Variants in NAALADL2 observed in about 807,000 individuals in gnomAD.
The protein encoded by NAALADL2 is inactive N-acetylated-alpha-linked acidic dipeptidase-like protein 2.
In NAALADL2, 76 loss-of-function variants were observed where a neutral mutation model predicts 87.2. The observed-to-expected ratio is 0.87, with a 90% CI of 0.72 to 1.05. The LOEUF (loss-of-function observed/expected upper bound fraction) is 1.05, where lower values mean the gene tolerates loss of function less well. Ranked by LOEUF, NAALADL2 falls within the 50% of genes least tolerant of loss-of-function variation. The pLI, the probability that NAALADL2 is intolerant of heterozygous loss-of-function variation, is 0.00. For missense variants in NAALADL2, 1,089 were observed against 945.8 expected (o/e 1.15, Z -1.99); for synonymous variants, 354 against 331.0 (o/e 1.07, Z -0.75).
intron 5 of NAALADL2, among the ~76,000 whole-genome samples, chr3:175,374,199 G>C (rs1486452155): frequency 6.6e-6 from 1 of 151,498 alleles, no homozygotes; most frequent in East Asian, 1.9e-4. Context: ...TAATATTGTG[G>C]CTTACAAATC....
chr3:175,179,301 T>C (rs1369765916), intron 2 of NAALADL2, among the ~76,000 whole-genome samples: 2 of 151,972 alleles, frequency 1.3e-5, no homozygotes, highest in Non-Finnish European at 2.9e-5. Flanking sequence ...ACTAAATAAA[T>C]ATTAGGTGAA....
rs189296416 is a variant in NAALADL2 at position 175,184,414 on chromosome 3, G to A, written c.546-49517G>A. 2.1e-3 allele frequency among the ~76,000 whole-genome samples: 314 copies of A among 151,998 alleles called. 2 individuals are homozygous for A. The highest frequency in any genetic ancestry group is 7.2e-3 in the African/African-American group (299 of 41,490). On this transcript the variant is annotated intron_variant, in intron 2 of 13. Coordinates refer to ENST00000454872, the MANE Select transcript of NAALADL2 (RefSeq NM_207015.3). ...TTTACCTAATTGTTTACCCTCTACT[G>A]CAGCTTTTAGCAGTGTTGTGACTAT...
At chr3:174,522,460 A>C (rs1720362102) in intron 1 of NAALADL2, among the ~76,000 whole-genome samples, 1 of 152,090 alleles carries the variant, frequency 6.6e-6, no homozygotes, top group African/African-American at 2.4e-5. Context: ...CAGTAGTTTG[A>C]GACCAGCTTG....
chr3:175,084,094 T>C (rs1378364738), intron 1 of NAALADL2, among the ~76,000 whole-genome samples: 1 of 152,190 alleles, frequency 6.6e-6, no homozygotes, highest in Non-Finnish European at 1.5e-5. Context: ...AATTTTATGT[T>C]GGTGCAGAAT....
chr3:174,818,198 T>C (rs995034591), intron 3 of NAALADL2, among the ~76,000 whole-genome samples: 3 of 152,264 alleles, frequency 2.0e-5, no homozygotes, highest in African/African-American at 7.2e-5. Context: ...CTTTGATTGA[T>C]TTTCATCTTT....
chr3:174,511,698 A>G (rs376780071), intron 1 of NAALADL2, among the ~76,000 whole-genome samples: 19 of 145,492 alleles, frequency 1.3e-4, no homozygotes, highest in African/African-American at 3.8e-4. Flanking sequence ...TTTGTTTTCT[A>G]TTTCTCTTAT....
chr3:175,493,146 A>G lies in NAALADL2; in HGVS notation c.1653+21388A>G, dbSNP rs933381805. ...ATAACTAAATGCTGAATGCACTTAA[A>G]TGATAACAGTGGGGTCATGGAGTTT... On this transcript the variant is annotated intron_variant, in intron 9 of 13. Transcript: ENST00000454872. Among the ~76,000 whole-genome samples, 27 of 152,074 alleles carry G rather than the reference A, an allele frequency of 1.8e-4. 1 individual carries two copies. The highest frequency in any genetic ancestry group is 5.8e-4 in the African/African-American group (24 of 41,436).
intron 2 of NAALADL2, among the ~76,000 whole-genome samples, chr3:174,592,582 AG>A: frequency 6.6e-6 from 1 of 152,172 alleles, no homozygotes; most frequent in East Asian, 1.9e-4. Flanking sequence ...AGATATTTAA[AG>A]TAAATACATT....
At chr3:175,441,449 G>A (rs1312060498) in intron 5 of NAALADL2, among the ~76,000 whole-genome samples, 1 of 152,140 alleles carries the variant, frequency 6.6e-6, no homozygotes, top group Non-Finnish European at 1.5e-5. Context: ...CAGGTACCAA[G>A]GGATGACTAC....
At chr3:175,045,482 C>T (rs1754558682) in intron 1 of NAALADL2, among the ~76,000 whole-genome samples, 1 of 152,036 alleles carries the variant, frequency 6.6e-6, no homozygotes, top group Admixed American at 6.6e-5. Context: ...TTATTACTGT[C>T]TATTTTATTA....
intron 5 of NAALADL2, among the ~76,000 whole-genome samples, chr3:175,331,879 T>G (rs1761448127): frequency 6.6e-6 from 1 of 152,130 alleles, no homozygotes; most frequent in South Asian, 2.1e-4. Flanking sequence ...TCTGATAAAT[T>G]CAGTAGAGTT....
chr3:175,689,915 TA>T (rs1736818471), intron 11 of NAALADL2, among the ~76,000 whole-genome samples: 1 of 152,084 alleles, frequency 6.6e-6, no homozygotes, highest in Non-Finnish European at 1.5e-5. Flanking sequence ...TTTTCAACAC[TA>T]AATTCCAACT....
chr3:174,668,277 T>A (rs183802584), intron 2 of NAALADL2, among the ~76,000 whole-genome samples: 1 of 152,140 alleles, frequency 6.6e-6, no homozygotes, highest in African/African-American at 2.4e-5. Flanking sequence ...TATATATATA[T>A]GATTTGCAGA....
chr3:175,050,244 G>T lies in NAALADL2; in HGVS notation c.44-46546G>T, dbSNP rs1755199826. Among the ~76,000 whole-genome samples the T allele has an allele frequency of 2.0e-5, 3 of 152,218 alleles. No homozygotes were observed. The South Asian group carries it at 6.2e-4, about 32-fold the overall frequency. On this transcript the variant is annotated intron_variant, in intron 1 of 13. Coordinates refer to ENST00000454872, the MANE Select transcript of NAALADL2 (RefSeq NM_207015.3). ...GGGTAAATAATTATCTTACTTGATT[G>T]AATAATCTTTATTATTTATTTATTT...
chr3:175,173,217 G>A (rs1735119936), intron 2 of NAALADL2, among the ~76,000 whole-genome samples: 1 of 151,946 alleles, frequency 6.6e-6, no homozygotes, highest in African/African-American at 2.4e-5. Context: ...GTGTGAACCC[G>A]GGAGGCGGAG....
intron 1 of NAALADL2, among the ~76,000 whole-genome samples, chr3:174,934,563 G>T (rs1003471346): frequency 2.0e-5 from 3 of 152,052 alleles, no homozygotes; most frequent in African/African-American, 7.2e-5. Flanking sequence ...TGTAATCCCA[G>T]CACTTTGGGA....
chr3:174,996,990 A>AGG (rs1273169343), intron 1 of NAALADL2, among the ~76,000 whole-genome samples: 62 of 122,530 alleles, frequency 5.1e-4, no homozygotes, highest in African/African-American at 1.8e-3. Flanking sequence ...TAGTATTCCA[A>AGG]GGGGTGTGTG....
At chr3:175,172,159 G>C (rs1734935072) in intron 2 of NAALADL2, among the ~76,000 whole-genome samples, 2 of 152,080 alleles carry the variant, frequency 1.3e-5, no homozygotes, top group South Asian at 4.1e-4. Flanking sequence ...AATATCACAT[G>C]TACCCCACAA....
At chr3:174,811,930 T>A (rs1430988500) in intron 3 of NAALADL2, among the ~76,000 whole-genome samples, 1 of 152,142 alleles carries the variant, frequency 6.6e-6, no homozygotes, top group Admixed American at 6.6e-5. Context: ...AGAGTTCTTA[T>A]GAAATCTGCC....
Sources: gnomAD v4.1 joint callset for allele counts (sites outside exome capture counted in the v4.1 genomes callset) on GRCh38, gnomAD v4.1.1 for gene constraint, MANE v1.5 for transcripts, NCBI Gene and HGNC (gene_info 2026-07-23, HGNC 2026-07-21) for gene names.